Variants in PHIP observed in about 807,000 individuals in gnomAD.
PHIP encodes the protein PHIP subunit of CUL4-Ring ligase complex, also known as PH-interacting protein.
Under a neutral mutation model 236.8 loss-of-function variants are expected in PHIP, and 54 were observed. The observed-to-expected ratio is 0.23, with a 90% CI of 0.18 to 0.29. PHIP has a LOEUF of 0.29. Ranked by LOEUF, PHIP falls within the 10% of genes least tolerant of loss-of-function variation. The probability of loss-of-function intolerance (pLI) is 1.00; values close to 1 mark genes in which losing one functional copy is unlikely to be tolerated. For missense variants in PHIP, 1,370 were observed against 2,190.8 expected, an observed-to-expected ratio of 0.63 and a Z score of 7.48; for synonymous variants, 756 against 718.9, an observed-to-expected ratio of 1.05 and a Z score of -0.83.
At position 79,001,936 on chromosome 6, in the gene PHIP, C is replaced by T. The variant is rs368612170; in HGVS notation, c.1842G>A (p.Glu614=). 2.8e-4 allele frequency: 446 copies of T among 1,612,084 alleles called. 1 individual carries two copies. The highest frequency in any genetic ancestry group is 3.7e-4 in the Non-Finnish European group (432 of 1,178,540). The part of the protein sequence containing the change: ...RLVPGRENCR[E]EQLIPQMGVT... ...CTCCCATCTGAGGGATGAGTTGCTCCTCCCTGCAATTTTCACGGCCAGGAA... is the reference window on the plus strand; with the variant it reads ...CTCCCATCTGAGGGATGAGTTGCTCTTCCCTGCAATTTTCACGGCCAGGAA... Residue 614 remains glutamate (E), a synonymous_variant, in exon 17 of 40, where the codon GAG becomes GAA. Coordinates refer to ENST00000275034, the MANE Select transcript of PHIP (RefSeq NM_017934.7).
intron 24 of PHIP, among the ~76,000 whole-genome samples, chr6:78,975,733 GACAA>G (rs914733553): frequency 3.9e-5 from 6 of 151,988 alleles, no homozygotes; most frequent in East Asian, 1.9e-4. Context: ...ACCAACAACG[GACAA>G]ACAGAGAGCC....
At position 78,935,544 on chromosome 6, in the gene PHIP, T is replaced by C; in HGVS notation, c.*5149A>G. On this transcript the variant is annotated 3_prime_UTR_variant, in exon 40 of 40. Coordinates refer to ENST00000275034, the MANE Select transcript of PHIP (RefSeq NM_017934.7). ...ACGAAAGTATCTGAATAGTGAAGTA[T>C]TTATCACTCATCACAGTAACTTACG... 1 of 968,136 alleles carries C rather than the reference T, an allele frequency of 1.0e-6. No homozygotes were observed. Among genetic ancestry groups the C allele is most frequent in the African/African-American group, 1.8e-5 (1 of 56,882 alleles). 60.0% of individuals were successfully genotyped at this position (968,136 alleles called of 1,614,324 possible). A position where few individuals can be genotyped will look rare whatever the true frequency, so the allele number is the denominator to read the frequency against.
chr6:79,065,764 C>CCCCACACACA (rs1491391054), intron 4 of PHIP, among the ~76,000 whole-genome samples: 19 of 143,470 alleles, frequency 1.3e-4, no homozygotes, highest in African/African-American at 4.4e-4. Context: ...CTTAACTATA[C>CCCCACACACA]CACACACACA....
chr6:78,960,541 T>C (rs747025152), intron 31 of PHIP, among the ~76,000 whole-genome samples: 3 of 151,338 alleles, frequency 2.0e-5, no homozygotes, highest in Admixed American at 1.3e-4. Context: ...GGGAACCACA[T>C]AGCAGGGAGG....
chr6:78,996,463 T>C (rs1031302323), intron 19 of PHIP, among the ~76,000 whole-genome samples: 1 of 152,290 alleles, frequency 6.6e-6, no homozygotes, highest in African/African-American at 2.4e-5. Context: ...TATTTCAGAA[T>C]TGGTGTTGAA....
chr6:79,044,777 T>C (rs1582276400), intron 6 of PHIP, among the ~76,000 whole-genome samples: 1 of 152,154 alleles, frequency 6.6e-6, no homozygotes, highest in South Asian at 2.1e-4. Flanking sequence ...CATTAGTATA[T>C]AGGTAAGAAT....
chr6:78,936,816 A>G lies in PHIP; in HGVS notation c.*3877T>C, dbSNP rs568745279. ...TTCGTAATGACTTTTCATTTGGAGC[A>G]AACTTTGCTCAGTATAATTAACAAA... On this transcript the variant is annotated 3_prime_UTR_variant, in exon 40 of 40. Coordinates refer to ENST00000275034, the MANE Select transcript of PHIP (RefSeq NM_017934.7). The G allele has an allele frequency of 4.1e-4, 63 of 151,962 alleles. No homozygotes were observed. Among genetic ancestry groups the G allele is most frequent in the Non-Finnish European group, 7.2e-4 (49 of 67,754 alleles). 9.4% of individuals were successfully genotyped at this position (151,962 alleles called of 1,614,324 possible).
chr6:79,050,472 T>G (rs933556529), intron 6 of PHIP, among the ~76,000 whole-genome samples: 1 of 152,188 alleles, frequency 6.6e-6, no homozygotes, highest in African/African-American at 2.4e-5. Flanking sequence ...GACTGTACCC[T>G]TAACTATTAT....
At chr6:79,073,126 G>A (rs151268404) in intron 4 of PHIP, among the ~76,000 whole-genome samples, 97 of 152,182 alleles carry the variant, frequency 6.4e-4, no homozygotes, top group Non-Finnish European at 1.1e-3. Context: ...TGCTCATGCC[G>A]CTTTACAACT....
At chr6:78,987,133 A>G (rs1768916706) in intron 21 of PHIP, among the ~76,000 whole-genome samples, 1 of 152,140 alleles carries the variant, frequency 6.6e-6, no homozygotes, top group Non-Finnish European at 1.5e-5. Context: ...TAGTTTGAAG[A>G]CACTTGAAGG....
rs1278098376 is a variant in PHIP, at chr6:78,935,007, GA to G, written c.*5685del. On this transcript the variant is annotated 3_prime_UTR_variant, in exon 40 of 40. Coordinates refer to ENST00000275034, the MANE Select transcript of PHIP (RefSeq NM_017934.7). ...CAAACACGAAGTACTATATTGCAAG[GA>G]ACAGAGGTTTTGTGCTTTGGTCTTT... Among the ~76,000 whole-genome samples, 3 of 152,152 alleles carry G rather than the reference GA, an allele frequency of 2.0e-5. No individual in the cohort carries two copies. Among genetic ancestry groups the G allele is most frequent in the Admixed American group, 2.0e-4 (3 of 15,262 alleles).
intron 23 of PHIP, among the ~76,000 whole-genome samples, chr6:78,981,206 T>G (rs1768508230): frequency 6.6e-6 from 1 of 152,022 alleles, no homozygotes; most frequent in African/African-American, 2.4e-5. Flanking sequence ...ATTTCTTTCC[T>G]TTCCAACCAT....
chr6:79,017,613 G>A (rs982880133), intron 10 of PHIP, 30 bp from the exon 11 acceptor site: 15 of 1,474,970 alleles, frequency 1.0e-5, no homozygotes, highest in Non-Finnish European at 1.4e-5. Flanking sequence ...TTGTTAAGAA[G>A]TAAAACATAA....
chr6:79,035,385 CTG>C (rs1447783278), intron 7 of PHIP, among the ~76,000 whole-genome samples: 1 of 152,066 alleles, frequency 6.6e-6, no homozygotes, highest in Non-Finnish European at 1.5e-5. Flanking sequence ...AAGCAGAAAA[CTG>C]TACACATTGG....
intron 15 of PHIP, among the ~76,000 whole-genome samples, chr6:79,010,138 AAG>A (rs1373759141): frequency 1.3e-5 from 2 of 151,696 alleles, no homozygotes; most frequent in Non-Finnish European, 3.0e-5. Flanking sequence ...AAGAAAGAGA[AAG>A]AGAGAGACTC....
chr6:79,001,986 G>A lies in PHIP; in HGVS notation c.1792C>T (p.His598Tyr). ...ACTAATCTTTGATATCTTGATGGATGAGGGTTACCATCAACATCAACCAAA... is the reference window on the plus strand; with the variant it reads ...ACTAATCTTTGATATCTTGATGGATAAGGGTTACCATCAACATCAACCAAA... ...PFLVDVDGNPHPSRYQRLVPG... is the reference protein window; with the variant it reads ...PFLVDVDGNPYPSRYQRLVPG... Residue 598 changes from histidine to tyrosine, a missense_variant, in exon 17 of 40, where the codon CAT (histidine) becomes TAT (tyrosine). Transcript: ENST00000275034. The A allele has an allele frequency of 6.2e-7, 1 of 1,612,962 alleles. No homozygotes were observed. The highest frequency in any genetic ancestry group is 8.5e-7 in the Non-Finnish European group (1 of 1,179,178).
At chr6:79,002,176 T>G (rs1770037497) in intron 16 of PHIP, 52 bp from the exon 17 acceptor site, 13 of 1,302,832 alleles carry the variant, frequency 1.0e-5, no homozygotes, top group Non-Finnish European at 1.3e-5. Flanking sequence ...TGTATCATTG[T>G]AGAAAAAAAG....
intron 4 of PHIP, among the ~76,000 whole-genome samples, chr6:79,074,193 G>C (rs1774031086): frequency 1.3e-5 from 2 of 151,932 alleles, no homozygotes; most frequent in South Asian, 4.1e-4. Context: ...AGAAAGGCAA[G>C]TATCACTATT....
At chr6:79,053,713 C>T (rs911581474) in intron 6 of PHIP, among the ~76,000 whole-genome samples, 9 of 152,234 alleles carry the variant, frequency 5.9e-5, no homozygotes, top group Admixed American at 5.2e-4. Context: ...AAAATAATAT[C>T]ATAATTTGCT....
Sources: gnomAD v4.1 joint callset for allele counts (sites outside exome capture counted in the v4.1 genomes callset) on GRCh38, gnomAD v4.1.1 for gene constraint, MANE v1.5 for transcripts, NCBI Gene and HGNC (gene_info 2026-07-23, HGNC 2026-07-21) for gene names.